CTNNA3: variants seen among roughly 807,000 people sequenced by gnomAD.
CTNNA3 encodes catenin alpha-3.
A neutral mutation model predicts 95.7 loss-of-function variants in CTNNA3; 76 were observed. That is an observed-to-expected ratio of 0.79 (90% CI 0.66 to 0.96). The LOEUF is 0.96. CTNNA3 is among the 40% of genes least tolerant of loss of function. The pLI is 0.00. For synonymous variants in CTNNA3, 431 were observed against 374.4 expected (o/e 1.15, Z -1.74); for missense variants, 1,191 against 1,089.8 (o/e 1.09, Z -1.31).
intron 5 of CTNNA3, among the ~76,000 whole-genome samples, chr10:67,425,458 T>C (rs1655017684): frequency 1.4e-5 from 2 of 145,740 alleles, no homozygotes; most frequent in South Asian, 2.1e-4. Flanking sequence ...ATTAATTCCA[T>C]ACAAAGAATA....
At chr10:66,015,184 A>G (rs901630682) in intron 15 of CTNNA3, among the ~76,000 whole-genome samples, 1 of 152,044 alleles carries the variant, frequency 6.6e-6, no homozygotes, top group African/African-American at 2.4e-5. Flanking sequence ...GTTCAAAATG[A>G]TGCTAAATGA....
At position 67,118,446 on chromosome 10, in the gene CTNNA3, T is replaced by G. The variant is rs1859297544; in HGVS notation, c.1047+61871A>C. ...TTCTGCTTTGCTCTGTTCTAAAGGA[T>G]TTCATTGATATTAACTTTTATGTTG... On this transcript the variant is annotated intron_variant, in intron 7 of 17. Transcript: ENST00000433211. Among the ~76,000 whole-genome samples the G allele has an allele frequency of 2.0e-5, 3 of 152,074 alleles. No individual in the cohort carries two copies. In the South Asian group the frequency reaches 6.2e-4, roughly 31 times the overall value.
chr10:67,189,131 A>G (rs1185252359), intron 6 of CTNNA3, among the ~76,000 whole-genome samples: 2 of 121,474 alleles, frequency 1.6e-5, no homozygotes, highest in African/African-American at 1.1e-4. Context: ...ACAAACAAAC[A>G]ACAACAACAA....
intron 13 of CTNNA3, among the ~76,000 whole-genome samples, chr10:66,121,220 G>A (rs559495850): frequency 3.9e-5 from 6 of 152,220 alleles, no homozygotes; most frequent in African/African-American, 7.2e-5. Flanking sequence ...ATTATGTCAA[G>A]TTTCTTCACT....
In CTNNA3 at chr10:66,103,065, C is replaced by T. The variant is rs2081712319; in HGVS notation, c.1977+92G>A. The T allele has an allele frequency of 4.1e-6, 4 of 986,716 alleles. No homozygotes were observed. The African/African-American group carries it at 4.8e-5, about 12-fold the overall frequency. 61.1% of individuals were successfully genotyped at this position (986,716 alleles called of 1,614,324 possible). ...CAGAACTAGCTCCAGATCCAGGAGT[C>T]CCACCCATTAGAGGCTGCCTAGATT... On this transcript the variant is annotated intron_variant, in intron 14 of 17. Coordinates refer to ENST00000433211, the MANE Select transcript of CTNNA3 (RefSeq NM_013266.4).
intron 6 of CTNNA3, among the ~76,000 whole-genome samples, chr10:67,205,052 A>G (rs888242626): frequency 1.3e-5 from 2 of 152,216 alleles, no homozygotes; most frequent in Non-Finnish European, 2.9e-5. Flanking sequence ...CCTTAGCAGA[A>G]TTCAGGATCC....
intron 7 of CTNNA3, among the ~76,000 whole-genome samples, chr10:66,862,446 G>T (rs890184791): frequency 2.6e-5 from 4 of 152,158 alleles, no homozygotes; most frequent in Non-Finnish European, 5.9e-5. Context: ...AATAGATACA[G>T]AGAGTGACTA....
At chr10:66,567,702 T>C (rs902123205) in intron 10 of CTNNA3, among the ~76,000 whole-genome samples, 1 of 152,108 alleles carries the variant, frequency 6.6e-6, no homozygotes, top group Non-Finnish European at 1.5e-5. Flanking sequence ...TAAAAACAAA[T>C]TTATCATCCT....
chr10:67,512,109 T>C (rs1433986838), intron 5 of CTNNA3, among the ~76,000 whole-genome samples: 6 of 152,122 alleles, frequency 3.9e-5, no homozygotes, highest in African/African-American at 1.4e-4. Context: ...AAATGGCCAA[T>C]AGATATATAA....
intron 10 of CTNNA3, among the ~76,000 whole-genome samples, chr10:66,545,288 T>A (rs919663981): frequency 2.0e-5 from 3 of 152,058 alleles, no homozygotes; most frequent in African/African-American, 7.2e-5. Context: ...CTAAACAGTA[T>A]AATTTTATTT....
intron 7 of CTNNA3, among the ~76,000 whole-genome samples, chr10:67,111,770 C>A (rs915706493): frequency 6.6e-6 from 1 of 151,956 alleles, no homozygotes; most frequent in African/African-American, 2.4e-5. Context: ...ACGCCAGTCT[C>A]CCCAGGATAC....
intron 12 of CTNNA3, among the ~76,000 whole-genome samples, chr10:66,372,252 A>G (rs1026254474): frequency 3.3e-5 from 5 of 152,162 alleles, no homozygotes; most frequent in African/African-American, 7.2e-5. Context: ...TTATTTTTCT[A>G]TTGCCTTCAG....
chr10:66,269,769 T>C (rs2091236547), intron 13 of CTNNA3, among the ~76,000 whole-genome samples: 1 of 152,150 alleles, frequency 6.6e-6, no homozygotes, highest in African/African-American at 2.4e-5. Context: ...CAGCCACTAA[T>C]ACATACACTA....
intron 11 of CTNNA3, among the ~76,000 whole-genome samples, chr10:66,440,600 C>T (rs916614410): frequency 2.0e-5 from 3 of 152,114 alleles, no homozygotes; most frequent in Admixed American, 2.0e-4. Context: ...ATACACTACC[C>T]ATCTGACTCC....
At chr10:67,165,212 T>A (rs1456683399) in intron 7 of CTNNA3, among the ~76,000 whole-genome samples, 4 of 152,170 alleles carry the variant, frequency 2.6e-5, no homozygotes, top group Non-Finnish European at 4.4e-5. Context: ...CTTGGATGGA[T>A]CTCTAAGGCA....
At chr10:66,307,245 G>A (rs1019110433) in intron 12 of CTNNA3, among the ~76,000 whole-genome samples, 1 of 152,054 alleles carries the variant, frequency 6.6e-6, no homozygotes, top group African/African-American at 2.4e-5. Flanking sequence ...TATTCATAAA[G>A]GAGTGCATGT....
chr10:67,232,116 A>G (rs1865239929), intron 5 of CTNNA3, among the ~76,000 whole-genome samples: 1 of 152,104 alleles, frequency 6.6e-6, no homozygotes, highest in Admixed American at 6.5e-5. Context: ...AACTTCCCCA[A>G]TCTAGCAAGG....
intron 11 of CTNNA3, among the ~76,000 whole-genome samples, chr10:66,389,971 A>G (rs1428633512): frequency 6.6e-6 from 1 of 152,138 alleles, no homozygotes; most frequent in Non-Finnish European, 1.5e-5. Flanking sequence ...CCTCGCCTCA[A>G]GCGATTCTCC....
At chr10:67,404,652 G>A (rs1396464197) in intron 5 of CTNNA3, among the ~76,000 whole-genome samples, 1 of 151,856 alleles carries the variant, frequency 6.6e-6, no homozygotes, top group Non-Finnish European at 1.5e-5. Context: ...TCATCCAGGA[G>A]AACTTCCCTG....
Sources: gnomAD v4.1 joint callset for allele counts (sites outside exome capture counted in the v4.1 genomes callset) on GRCh38, gnomAD v4.1.1 for gene constraint, MANE v1.5 for transcripts, NCBI Gene and HGNC (gene_info 2026-07-23, HGNC 2026-07-21) for gene names.